Variants in ZNF189 observed in about 807,000 individuals in gnomAD.
The protein encoded by ZNF189 is zinc finger protein 189.
Under a neutral mutation model 53.5 loss-of-function variants are expected in ZNF189, and 33 were observed. The ratio of observed to expected loss-of-function variants is 0.62; its 90% CI spans 0.47 to 0.82. ZNF189 has a LOEUF of 0.82. Ranked by LOEUF, ZNF189 falls within the 40% of genes least tolerant of loss-of-function variation. The probability of loss-of-function intolerance (pLI) is 0.00; values close to 1 mark genes in which losing one functional copy is unlikely to be tolerated. For synonymous variants in ZNF189, 247 were observed against 238.8 expected (o/e 1.03, Z -0.32); for missense variants, 711 against 753.9 (o/e 0.94, Z 0.67).
At chr9:101,400,085 G>A (rs1830478729) in intron 2 of ZNF189, 75 bp downstream of exon 2, 9 of 1,556,048 alleles carry the variant, frequency 5.8e-6, no homozygotes, top group African/African-American at 1.4e-5. Context: ...ACATTTGGAC[G>A]GAAACCAGTA....
At chr9:101,402,742 C>G (rs1830580726) in intron 2 of ZNF189, among the ~76,000 whole-genome samples, 1 of 152,150 alleles carries the variant, frequency 6.6e-6, no homozygotes, top group Non-Finnish European at 1.5e-5. Flanking sequence ...CATTTGATTT[C>G]TCCAGCACTT....
chr9:101,402,004 T>C (rs542844027), intron 2 of ZNF189, among the ~76,000 whole-genome samples: 1 of 151,820 alleles, frequency 6.6e-6, no homozygotes, highest in East Asian at 1.9e-4. Context: ...AGCCTCCACC[T>C]CCTGGGTTCA....
In ZNF189 at chr9:101,407,755, C is replaced by G. The variant is rs557465983; in HGVS notation, c.161-174C>G. Among the ~76,000 whole-genome samples the G allele has an allele frequency of 5.9e-5, 9 of 152,256 alleles. No homozygotes were observed. In the South Asian group the frequency reaches 1.9e-3, roughly 32 times the overall value. ...TGATCATATTCCAATAATGCTTTCTCATCCTTAATTTTCTTGAACTTAGTG... is the reference window on the plus strand; with the variant it reads ...TGATCATATTCCAATAATGCTTTCTGATCCTTAATTTTCTTGAACTTAGTG... On this transcript the variant is annotated intron_variant, in intron 2 of 2. Transcript: ENST00000339664.
At chr9:101,404,094 T>C (rs1366865537) in intron 2 of ZNF189, among the ~76,000 whole-genome samples, 4 of 152,206 alleles carry the variant, frequency 2.6e-5, no homozygotes, top group African/African-American at 4.8e-5. Flanking sequence ...GACCACAGGA[T>C]GGGAAGATAT....
chr9:101,407,566 A>C (rs1830760639), intron 2 of ZNF189: 1 of 405,216 alleles, frequency 2.5e-6, no homozygotes, highest in Non-Finnish European at 4.3e-6. Context: ...ATTAAAAAAA[A>C]ATTTTTTTTT....
rs2118278008 is a variant in ZNF189 at position 101,409,169 on chromosome 9, T to C, written c.1401T>C (p.Val467=). The change falls in exon 3 of 3, where the codon GTT becomes GTC. Residue 467 remains valine, a synonymous_variant. Coordinates refer to ENST00000339664, the MANE Select transcript of ZNF189 (RefSeq NM_003452.4). The part of the protein sequence containing the change: ...KCDECGKTFS[V]SAHLVQHQRI... ...ATGAATGTGGGAAAACTTTTAGTGT[T>C]AGTGCTCATCTTGTACAACATCAAA... 5 of 1,614,012 alleles carry C rather than the reference T, an allele frequency of 3.1e-6. No homozygotes were observed. Among genetic ancestry groups the C allele is most frequent in the African/African-American group, 1.3e-5 (1 of 74,996 alleles).
intron 1 of ZNF189, 148 bp from the exon 2 acceptor site, chr9:101,399,736 T>A (rs989469193): frequency 1.5e-6 from 2 of 1,353,176 alleles, no homozygotes; most frequent in Admixed American, 2.3e-5. Context: ...TTACAGTTCG[T>A]TCCCAGAATT....
At chr9:101,405,120 A>G (rs1830664903) in intron 2 of ZNF189, among the ~76,000 whole-genome samples, 1 of 152,242 alleles carries the variant, frequency 6.6e-6, no homozygotes, top group Admixed American at 6.5e-5. Context: ...GTAGGTAGGA[A>G]CATGACTTGA....
rs756833575 is a variant in ZNF189, at chr9:101,408,642, A to G, written c.874A>G (p.Lys292Glu). Reference protein sequence around the residue: ...HTGEKPYHCTKCKKSFSRNSL... With the variant: ...HTGEKPYHCTECKKSFSRNSL... ...TGGTGAGAAACCTTATCACTGTACC[A>G]AATGTAAGAAGAGCTTTAGTCGAAA... The change falls in exon 3 of 3, where the codon AAA becomes GAA. Residue 292 changes from lysine (K) to glutamate (E), a missense_variant. Lys to Glu is a moderately conservative substitution (Grantham distance 56). Transcript: ENST00000339664. 3.7e-6 allele frequency: 6 copies of G among 1,612,954 alleles called. No homozygotes were observed. Among genetic ancestry groups the G allele is most frequent in the Non-Finnish European group, 4.2e-6 (5 of 1,179,752 alleles).
chr9:101,403,434 A>G (rs1830603436), intron 2 of ZNF189, among the ~76,000 whole-genome samples: 1 of 152,106 alleles, frequency 6.6e-6, no homozygotes, highest in African/African-American at 2.4e-5. Flanking sequence ...CTATTACTCT[A>G]CTGTTGCAAT....
In ZNF189 at chr9:101,399,040, C is replaced by A; in HGVS notation, c.-117C>A. 2.5e-6 allele frequency: 2 copies of A among 797,052 alleles called. No homozygotes were observed. The highest frequency in any genetic ancestry group is 4.4e-6 in the Non-Finnish European group (2 of 455,156). The allele number at this position is 797,052 out of a possible 1,614,324, so 49.4% of individuals were successfully genotyped here. ...GGGGCCGAGGCAGGCACTGGCCAGA[C>A]CCAGCCAGGGATCCTCGTATTCGTC... On this transcript the variant is annotated 5_prime_UTR_variant, in exon 1 of 3. Transcript: ENST00000339664.
chr9:101,404,901 T>TA lies in ZNF189; in HGVS notation c.161-3021dup, dbSNP rs536754177. Among the ~76,000 whole-genome samples, 188 of 152,214 alleles carry TA rather than the reference T, an allele frequency of 1.2e-3. 1 individual carries two copies. The highest frequency in any genetic ancestry group is 4.3e-3 in the African/African-American group (178 of 41,544). On this transcript the variant is annotated intron_variant, in intron 2 of 2. Coordinates refer to ENST00000339664, the MANE Select transcript of ZNF189 (RefSeq NM_003452.4). ...TAGAATTATGGTCGAGGGCTGGTAA[T>TA]AAAAAAATAGAACACCTGAATCTGT... is the stretch of plus-strand genomic sequence containing the variant.
intron 2 of ZNF189, 120 bp downstream of exon 2, chr9:101,400,130 C>T: frequency 3.8e-6 from 5 of 1,329,528 alleles, no homozygotes; most frequent in Non-Finnish European, 5.1e-6. Flanking sequence ...CTGATTCAAA[C>T]CTTTTAGCCA....
intron 2 of ZNF189, among the ~76,000 whole-genome samples, chr9:101,406,234 T>G (rs1830706665): frequency 6.6e-6 from 1 of 152,132 alleles, no homozygotes; most frequent in Non-Finnish European, 1.5e-5. Flanking sequence ...TTAAGATTTT[T>G]TTTCAATGCT....
intron 2 of ZNF189, among the ~76,000 whole-genome samples, chr9:101,402,591 A>G (rs1014749823): frequency 3.9e-5 from 6 of 152,126 alleles, no homozygotes; most frequent in Admixed American, 1.3e-4. Context: ...TCTTTGTTTT[A>G]CCAGAGCTAA....
Position 101,399,923 on chromosome 9 carries a change from C to T in ZNF189, c.73C>T (p.Gln25Ter), listed in dbSNP as rs1459629284. ...TFEDVAVFFT[Q>*]EEWDYLDPAQ... ...TGAGGATGTGGCTGTGTTTTTTACC[C>T]AGGAGGAGTGGGATTATCTGGACCC... The change falls in exon 2 of 3, where the codon CAG (glutamine) becomes TAG (stop). Residue 25 changes from glutamine (Q) to a stop codon, truncating the protein, a stop_gained. Transcript: ENST00000339664. LOFTEE classifies it high-confidence loss of function. 4.3e-6 allele frequency: 7 copies of T among 1,614,046 alleles called. No individual in the cohort carries two copies. The highest frequency in any genetic ancestry group is 5.9e-6 in the Non-Finnish European group (7 of 1,179,992).
In ZNF189 at chr9:101,409,633, C is replaced by T. The variant is rs200682925; in HGVS notation, c.1865C>T (p.Thr622Ile). 66 of 1,607,972 alleles carry T rather than the reference C, an allele frequency of 4.1e-5. No homozygotes were observed. Among genetic ancestry groups the T allele is most frequent in the Non-Finnish European group, 5.3e-5 (63 of 1,177,988 alleles). The change falls in exon 3 of 3, where the codon ACA becomes ATA. Residue 622 changes from threonine (T) to isoleucine (I), a missense_variant. Physicochemically the swap from Thr to Ile is moderately conservative, Grantham distance 89. Transcript: ENST00000339664. Reference protein sequence around the residue: ...ISLIQHQKLHTAWMQ With the variant: ...ISLIQHQKLHIAWMQ Reference sequence around the variant, plus strand: ...CTTATTCAGCATCAGAAATTGCACACAGCATGGATGCAATAAATGTAGAGC... The same window carrying T: ...CTTATTCAGCATCAGAAATTGCACATAGCATGGATGCAATAAATGTAGAGC...
At position 101,408,047 on chromosome 9, in the gene ZNF189, G is replaced by T. The variant is rs1386200509; in HGVS notation, c.279G>T (p.Gln93His). Residue 93 changes from glutamine to histidine, a missense_variant, in exon 3 of 3, where the codon CAG (glutamine) becomes CAT (histidine). Transcript: ENST00000339664. Reference protein sequence around the residue: ...IVTRIKSEIDQDPMGRETFEL... With the variant: ...IVTRIKSEIDHDPMGRETFEL... ...CAAGAATCAAAAGTGAAATTGACCA[G>T]GATCCTATGGGTAGAGAAACATTTG... 1 of 1,613,928 alleles carries T rather than the reference G, an allele frequency of 6.2e-7. No individual in the cohort carries two copies. The highest frequency in any genetic ancestry group is 8.5e-7 in the Non-Finnish European group (1 of 1,179,978).
chr9:101,405,432 G>A (rs570882594), intron 2 of ZNF189, among the ~76,000 whole-genome samples: 2 of 152,280 alleles, frequency 1.3e-5, no homozygotes, highest in African/African-American at 2.4e-5. Flanking sequence ...GCTGCTTTGA[G>A]ACTATAGGGT....
Sources: allele counts gnomAD v4.1 joint callset (sites outside exome capture counted in the v4.1 genomes callset), GRCh38; gene constraint gnomAD v4.1.1; transcripts MANE v1.5; gene names NCBI Gene and HGNC (gene_info 2026-07-23, HGNC 2026-07-21).